Variants in ZNF804A observed in about 807,000 individuals in gnomAD.
ZNF804A encodes the protein zinc finger protein 804A.
ZNF804A carries 2 observed loss-of-function variants against 16.5 expected under a neutral mutation model. The observed-to-expected ratio is 0.12, with a 90% confidence interval of 0.05 to 0.38. The LOEUF is 0.38. Among genes scored for constraint, ZNF804A ranks in the 10% least tolerant of loss-of-function variants. The pLI, the probability that ZNF804A is intolerant of heterozygous loss-of-function variation, is 0.99. For synonymous variants in ZNF804A, 534 were observed against 489.6 expected (o/e 1.09, Z -1.20); for missense variants, 1,473 against 1,390.7 (o/e 1.06, Z -0.94).
intron 1 of ZNF804A, among the ~76,000 whole-genome samples, chr2:184,682,467 A>AT (rs1343858782): frequency 1.3e-5 from 2 of 151,838 alleles, no homozygotes; most frequent in African/African-American, 4.8e-5. Flanking sequence ...GCTACATTTG[A>AT]TTTTTTTTGT....
intron 1 of ZNF804A, among the ~76,000 whole-genome samples, chr2:184,721,728 T>C (rs1040565117): frequency 3.9e-5 from 6 of 152,112 alleles, no homozygotes; most frequent in Non-Finnish European, 8.8e-5. Context: ...GACCCAGCAA[T>C]CTCACTAGTG....
intron 1 of ZNF804A, among the ~76,000 whole-genome samples, chr2:184,754,942 G>T (rs1020300519): frequency 2.0e-5 from 3 of 151,760 alleles, no homozygotes; most frequent in Non-Finnish European, 4.4e-5. Context: ...ATCAGATCTC[G>T]TGAGAAGTCA....
intron 1 of ZNF804A, among the ~76,000 whole-genome samples, chr2:184,714,568 A>G (rs1693184653): frequency 6.6e-6 from 1 of 152,150 alleles, no homozygotes; most frequent in African/African-American, 2.4e-5. Context: ...GAAATTATCT[A>G]AAAAGTGCTA....
At chr2:184,754,140 A>G (rs1464843686) in intron 1 of ZNF804A, among the ~76,000 whole-genome samples, 7 of 151,786 alleles carry the variant, frequency 4.6e-5, no homozygotes, top group Non-Finnish European at 1.0e-4. Flanking sequence ...CCCCAGGCTC[A>G]TGTTCTGTCC....
intron 1 of ZNF804A, among the ~76,000 whole-genome samples, chr2:184,615,624 A>G (rs1261816756): frequency 6.6e-6 from 1 of 152,148 alleles, no homozygotes. Context: ...TAGCCTCATG[A>G]CAGAATCCTA....
intron 1 of ZNF804A, among the ~76,000 whole-genome samples, chr2:184,646,987 C>A (rs1196841760): frequency 6.6e-6 from 1 of 152,196 alleles, no homozygotes; most frequent in Non-Finnish European, 1.5e-5. Flanking sequence ...TAGACAATCA[C>A]TGGTAAACAA....
intron 1 of ZNF804A, among the ~76,000 whole-genome samples, chr2:184,781,050 T>A (rs982399713): frequency 2.0e-5 from 3 of 151,870 alleles, no homozygotes; most frequent in Non-Finnish European, 4.4e-5. Flanking sequence ...TGCATGAGAA[T>A]CTTGGAAATG....
intron 1 of ZNF804A, among the ~76,000 whole-genome samples, chr2:184,695,118 A>G (rs1692807985): frequency 6.6e-6 from 1 of 152,222 alleles, no homozygotes; most frequent in African/African-American, 2.4e-5. Context: ...ACCTTAGTTT[A>G]TAACTTCAAA....
intron 1 of ZNF804A, among the ~76,000 whole-genome samples, chr2:184,739,983 T>C (rs932042167): frequency 1.3e-5 from 2 of 152,224 alleles, no homozygotes; most frequent in South Asian, 2.1e-4. Flanking sequence ...TGAAATAGAA[T>C]GAAATACAAT....
intron 1 of ZNF804A, among the ~76,000 whole-genome samples, chr2:184,848,698 G>A (rs1260259957): frequency 6.6e-6 from 1 of 152,024 alleles, no homozygotes; most frequent in African/African-American, 2.4e-5. Context: ...GTGAGGTAGA[G>A]AGCATGATAG....
intron 1 of ZNF804A, among the ~76,000 whole-genome samples, chr2:184,717,253 T>C (rs1693229814): frequency 6.6e-6 from 1 of 152,190 alleles, no homozygotes; most frequent in Admixed American, 6.6e-5. Flanking sequence ...AATCTTTTCA[T>C]TTATTTTTGT....
chr2:184,927,497 C>T (rs187116370), intron 2 of ZNF804A, among the ~76,000 whole-genome samples: 1 of 152,306 alleles, frequency 6.6e-6, no homozygotes, highest in African/African-American at 2.4e-5. Context: ...GTAGCCACTA[C>T]CTGGCTCCTC....
intron 1 of ZNF804A, among the ~76,000 whole-genome samples, chr2:184,649,614 A>G (rs1691947198): frequency 6.6e-6 from 1 of 152,026 alleles, no homozygotes; most frequent in South Asian, 2.1e-4. Context: ...CCAGAAATAC[A>G]AAAGATCCTC....
At chr2:184,684,047 C>T (rs1422457964) in intron 1 of ZNF804A, among the ~76,000 whole-genome samples, 1 of 152,144 alleles carries the variant, frequency 6.6e-6, no homozygotes, top group Non-Finnish European at 1.5e-5. Flanking sequence ...TCCTTTAAAA[C>T]ATGTCTAGGC....
At chr2:184,892,071 G>A (rs1276766563) in intron 2 of ZNF804A, among the ~76,000 whole-genome samples, 3 of 152,108 alleles carry the variant, frequency 2.0e-5, no homozygotes, top group Admixed American at 2.0e-4. Context: ...GGTAACATAG[G>A]TTTTCTGCAG....
chr2:184,807,369 G>A (rs894451346), intron 1 of ZNF804A, among the ~76,000 whole-genome samples: 1 of 151,814 alleles, frequency 6.6e-6, no homozygotes, highest in Non-Finnish European at 1.5e-5. Flanking sequence ...GTGAAAGAAA[G>A]AAATGAAAGG....
At chr2:184,855,919 C>G (rs990315429) in intron 1 of ZNF804A, among the ~76,000 whole-genome samples, 1 of 152,062 alleles carries the variant, frequency 6.6e-6, no homozygotes, top group African/African-American at 2.4e-5. Flanking sequence ...AAACAGACCT[C>G]CAGAGTCCAT....
At chr2:184,873,332 A>G (rs1391977679) in intron 2 of ZNF804A, among the ~76,000 whole-genome samples, 1 of 152,148 alleles carries the variant, frequency 6.6e-6, no homozygotes, top group Middle Eastern at 3.2e-3. Context: ...TATAGAAAAT[A>G]CAAAAATTAG....
chr2:184,717,805 A>G (rs1408073756), intron 1 of ZNF804A, among the ~76,000 whole-genome samples: 1 of 152,078 alleles, frequency 6.6e-6, no homozygotes, highest in Non-Finnish European at 1.5e-5. Context: ...AGTATTTATC[A>G]TTTCTATTTG....
Sources: gnomAD v4.1 joint callset for allele counts (sites outside exome capture counted in the v4.1 genomes callset) on GRCh38, gnomAD v4.1.1 for gene constraint, MANE v1.5 for transcripts, NCBI Gene and HGNC (gene_info 2026-07-23, HGNC 2026-07-21) for gene names.